ZBED4: variants seen among roughly 807,000 people sequenced by gnomAD.
ZBED4 encodes the protein zinc finger BED-type containing 4.
A neutral mutation model predicts 15.5 loss-of-function variants in ZBED4; 4 were observed. That is an observed-to-expected ratio of 0.26 (90% CI 0.13 to 0.59). The LOEUF (loss-of-function observed/expected upper bound fraction) is 0.59. ZBED4 is among the 20% of genes least tolerant of loss of function. ZBED4 has a pLI of 0.90. For synonymous variants in ZBED4, 692 were observed against 608.5 expected (o/e 1.14, Z -2.02); for missense variants, 1,323 against 1,461.8 (o/e 0.91, Z 1.55).
chr22:49,873,920 G>C (rs566400246), intron 1 of ZBED4, among the ~76,000 whole-genome samples: 8 of 152,354 alleles, frequency 5.3e-5, no homozygotes, highest in African/African-American at 1.9e-4. Flanking sequence ...GGAATGGGGC[G>C]GCGCTGCCAC....
intron 1 of ZBED4, among the ~76,000 whole-genome samples, chr22:49,864,129 G>A (rs183280830): frequency 6.6e-5 from 10 of 152,348 alleles, no homozygotes; most frequent in East Asian, 3.9e-4. Flanking sequence ...TGGGTTGGCC[G>A]CTGGTTCTAG....
rs1004901951 is a variant in ZBED4, at chr22:49,883,427, C to G, written c.-236C>G. 1 of 451,132 alleles carries G rather than the reference C, an allele frequency of 2.2e-6. No individual in the cohort carries two copies. The highest frequency in any genetic ancestry group is 4.9e-5 in the South Asian group (1 of 20,382). The allele number at this position is 451,132 out of a possible 1,614,324, so 27.9% of individuals were successfully genotyped here. On this transcript the variant is annotated 5_prime_UTR_variant, in exon 2 of 2. Transcript: ENST00000216268. The stretch of plus-strand genomic sequence containing the variant: ...ACGTCTCTGCTGCACACATTGTTGT[C>G]TACACCATGAGTGTTTAGTAGCAGG...
chr22:49,857,341 T>G (rs2060278871), intron 1 of ZBED4, among the ~76,000 whole-genome samples: 2 of 152,280 alleles, frequency 1.3e-5, no homozygotes, highest in Middle Eastern at 3.4e-3. Context: ...GGTGCTGGTG[T>G]TAAATACAGG....
chr22:49,885,154 A>T lies in ZBED4; in HGVS notation c.1492A>T (p.Met498Leu), dbSNP rs1169533264. The change falls in exon 2 of 2, where the codon ATG becomes TTG. Residue 498 changes from methionine to leucine, a missense_variant. This residue lies in a region of ZBED4 where 429 missense variants were observed against 397.9 expected (regional missense o/e 1.08). Transcript: ENST00000216268. The part of the protein sequence containing the change: ...KKGDVGTSCL[M>L]RHLYRRHPEV... ...GGGTGATGTGGGCACCAGCTGCCTGATGAGACATCTCTACCGGCGCCATCC... is the reference window on the plus strand; with the variant it reads ...GGGTGATGTGGGCACCAGCTGCCTGTTGAGACATCTCTACCGGCGCCATCC... The T allele has an allele frequency of 6.2e-7, 1 of 1,613,310 alleles. No homozygotes were observed. Among genetic ancestry groups the T allele is most frequent in the Admixed American group, 1.7e-5 (1 of 59,936 alleles).
chr22:49,882,983 T>G (rs920581718), intron 1 of ZBED4, among the ~76,000 whole-genome samples: 2 of 152,258 alleles, frequency 1.3e-5, no homozygotes, highest in African/African-American at 4.8e-5. Context: ...AATTCAGCTT[T>G]GCTGATTATA....
intron 1 of ZBED4, 43 bp downstream of exon 1, chr22:49,854,032 C>G (rs1172716480): frequency 6.9e-6 from 1 of 145,324 alleles, no homozygotes; most frequent in African/African-American, 2.5e-5. Flanking sequence ...GCCGCGAGCC[C>G]CGTCCCCCGC....
Position 49,883,868 on chromosome 22 carries a change from A to G in ZBED4, c.206A>G (p.Lys69Arg). 8 of 1,607,348 alleles carry G rather than the reference A, an allele frequency of 5.0e-6. No individual in the cohort carries two copies. The highest frequency in any genetic ancestry group is 6.8e-6 in the Non-Finnish European group (8 of 1,174,926). Reference sequence around the variant, plus strand: ...CTCGGTGGGACGGGTTGCAGCTGCAAGCCCCCGGGGAAGTACTTGTCTGCA... The same window carrying G: ...CTCGGTGGGACGGGTTGCAGCTGCAGGCCCCCGGGGAAGTACTTGTCTGCA... The part of the protein sequence containing the change: ...AGLGGTGCSC[K>R]PPGKYLSAES... The change falls in exon 2 of 2, where the codon AAG becomes AGG. Residue 69 changes from lysine to arginine, a missense_variant. Around this residue, in one of 6 missense-constraint regions of ZBED4, gnomAD observed 380 missense variants for 413.7 expected, o/e 0.92. Coordinates refer to ENST00000216268, the MANE Select transcript of ZBED4 (RefSeq NM_014838.3).
In ZBED4 at chr22:49,885,156, G is replaced by A; in HGVS notation, c.1494G>A (p.Met498Ile). Residue 498 changes from methionine to isoleucine, a missense_variant, in exon 2 of 2, where the codon ATG (methionine) becomes ATA (isoleucine). This residue lies in a region of ZBED4 where 429 missense variants were observed against 397.9 expected (regional missense o/e 1.08). Coordinates refer to ENST00000216268, the MANE Select transcript of ZBED4 (RefSeq NM_014838.3). ...GTGATGTGGGCACCAGCTGCCTGATGAGACATCTCTACCGGCGCCATCCAG... is the reference window on the plus strand; with the variant it reads ...GTGATGTGGGCACCAGCTGCCTGATAAGACATCTCTACCGGCGCCATCCAG... ...KKGDVGTSCL[M>I]RHLYRRHPEV... 2.5e-6 allele frequency: 4 copies of A among 1,613,710 alleles called. No homozygotes were observed. Among genetic ancestry groups the A allele is most frequent in the African/African-American group, 1.3e-5 (1 of 74,870 alleles).
chr22:49,854,090 C>G (rs1191958212), intron 1 of ZBED4, 101 bp downstream of exon 1: 2 of 144,312 alleles, frequency 1.4e-5, no homozygotes, highest in Non-Finnish European at 3.1e-5. Context: ...TGCGCCGCGC[C>G]GGGGCCAGGG....
intron 1 of ZBED4, among the ~76,000 whole-genome samples, chr22:49,874,052 T>G (rs2060362191): frequency 6.6e-6 from 1 of 152,226 alleles, no homozygotes; most frequent in South Asian, 2.1e-4. Flanking sequence ...TAGTACTGTT[T>G]TGTAGAGGCC....
At chr22:49,865,112 A>G (rs547287785) in intron 1 of ZBED4, among the ~76,000 whole-genome samples, 31 of 152,028 alleles carry the variant, frequency 2.0e-4, no homozygotes, top group African/African-American at 6.8e-4. Context: ...CGTTGTGTGA[A>G]CCTCATAGAG....
At chr22:49,880,454 C>T (rs1017335902) in intron 1 of ZBED4, among the ~76,000 whole-genome samples, 3 of 152,260 alleles carry the variant, frequency 2.0e-5, no homozygotes, top group African/African-American at 7.2e-5. Context: ...GACTCCCCGC[C>T]CCGCAGCCTG....
At chr22:49,861,519 G>A (rs536508535) in intron 1 of ZBED4, among the ~76,000 whole-genome samples, 16 of 151,560 alleles carry the variant, frequency 1.1e-4, no homozygotes, top group African/African-American at 3.1e-4. Flanking sequence ...CCGCAGCCTC[G>A]ACCTCACGGG....
At position 49,887,243 on chromosome 22, in the gene ZBED4, C is replaced by T; in HGVS notation, c.*65C>T. 1 of 1,510,880 alleles carries T rather than the reference C, an allele frequency of 6.6e-7. No homozygotes were observed. Among genetic ancestry groups the T allele is most frequent in the Non-Finnish European group, 9.0e-7 (1 of 1,115,434 alleles). The allele number at this position is 1,510,880 out of a possible 1,614,324, so 93.6% of individuals were successfully genotyped here. Reference sequence around the variant, plus strand: ...CCAGCGTTAGCAGCCTGTACCAGGTCTATGACCCGCTCTGCCCACGGCTGT... The same window carrying T: ...CCAGCGTTAGCAGCCTGTACCAGGTTTATGACCCGCTCTGCCCACGGCTGT... On this transcript the variant is annotated 3_prime_UTR_variant, in exon 2 of 2. Transcript: ENST00000216268.
chr22:49,856,868 G>A (rs962677672), intron 1 of ZBED4, among the ~76,000 whole-genome samples: 1 of 151,172 alleles, frequency 6.6e-6, no homozygotes, highest in Non-Finnish European at 1.5e-5. Context: ...AGGCCGCGCT[G>A]CAATGCCAGC....
chr22:49,869,722 C>T (rs2319462), intron 1 of ZBED4, among the ~76,000 whole-genome samples: 97,583 of 152,006 alleles, frequency 0.64, 35,591 homozygotes, highest in East Asian at 0.85. Context: ...ACCCTGTGCA[C>T]GCATCCCCAG....
In ZBED4 at chr22:49,853,925, G is replaced by A. The variant is rs2060263026; in HGVS notation, c.-394G>A. 1 of 144,214 alleles carries A rather than the reference G, an allele frequency of 6.9e-6. No individual in the cohort carries two copies. Among genetic ancestry groups the A allele is most frequent in the Admixed American group, 6.8e-5 (1 of 14,616 alleles). The allele number at this position is 144,214 out of a possible 1,614,324, so 8.9% of individuals were successfully genotyped here. A position where few individuals can be genotyped will look rare whatever the true frequency, so the allele number is the denominator to read the frequency against. ...GGCAGACAAAGCCGCGGTAATGAAT[G>A]GAGCGTCCGCCCGCGCCGCCGTCGT... is the stretch of plus-strand genomic sequence containing the variant. On this transcript the variant is annotated 5_prime_UTR_variant, in exon 1 of 2. The change abolishes an upstream ATG in the 5' untranslated region. Coordinates refer to ENST00000216268, the MANE Select transcript of ZBED4 (RefSeq NM_014838.3).
intron 1 of ZBED4, among the ~76,000 whole-genome samples, chr22:49,881,927 G>T (rs867034701): frequency 6.6e-6 from 1 of 152,274 alleles, no homozygotes; most frequent in Middle Eastern, 3.4e-3. Flanking sequence ...TTTCTGGTGG[G>T]AGCTAGCAGT....
intron 1 of ZBED4, among the ~76,000 whole-genome samples, chr22:49,880,119 C>T (rs879500738): frequency 9.7e-6 from 1 of 102,882 alleles, no homozygotes; most frequent in African/African-American, 2.6e-5. Context: ...ACCGTTTCCT[C>T]CTCTTGAGGC....
Sources: allele counts gnomAD v4.1 joint callset (sites outside exome capture counted in the v4.1 genomes callset), GRCh38; gene constraint gnomAD v4.1.1; regional missense constraint gnomAD v4.1.1; transcripts MANE v1.5; gene names NCBI Gene and HGNC (gene_info 2026-07-23, HGNC 2026-07-21).